Variants in ZNF708 observed in about 807,000 individuals in gnomAD.
ZNF708 encodes ZNF15, ZNF15L1.
A neutral mutation model predicts 47.0 loss-of-function variants in ZNF708; 44 were observed. The observed-to-expected ratio is 0.94, with a 90% CI of 0.74 to 1.20. The LOEUF (loss-of-function observed/expected upper bound fraction) is 1.20, where lower values mean the gene tolerates loss of function less well. ZNF708 is among the 50% of genes most tolerant of loss of function. The pLI is 0.00. For synonymous variants in ZNF708, 184 were observed against 218.5 expected, an observed-to-expected ratio of 0.84 and a Z score of 1.39; for missense variants, 557 against 656.0, an observed-to-expected ratio of 0.85 and a Z score of 1.65.
chr19:21,321,014 G>A (rs940223185), intron 1 of ZNF708, among the ~76,000 whole-genome samples: 4 of 151,880 alleles, frequency 2.6e-5, no homozygotes, highest in Non-Finnish European at 4.4e-5. Flanking sequence ...GGTGGCGGGC[G>A]CCTGTAGTAC....
chr19:21,300,382 T>C (rs1972631626), intron 3 of ZNF708, among the ~76,000 whole-genome samples: 1 of 151,772 alleles, frequency 6.6e-6, no homozygotes, highest in African/African-American at 2.4e-5. Flanking sequence ...GGTACATGCC[T>C]GTAATCCCAG....
intron 3 of ZNF708, among the ~76,000 whole-genome samples, chr19:21,302,636 T>C (rs909472884): frequency 7.2e-5 from 11 of 151,886 alleles, no homozygotes; most frequent in Admixed American, 2.6e-4. Flanking sequence ...GAGGTGGAGG[T>C]TGCAGTGAGC....
chr19:21,309,889 G>T (rs1019427730), intron 2 of ZNF708, among the ~76,000 whole-genome samples: 3 of 152,130 alleles, frequency 2.0e-5, no homozygotes, highest in African/African-American at 7.2e-5. Flanking sequence ...AAAATTGGTG[G>T]TGGCAATTAG....
At chr19:21,301,034 AT>A (rs1264674244) in intron 3 of ZNF708, among the ~76,000 whole-genome samples, 1 of 152,214 alleles carries the variant, frequency 6.6e-6, no homozygotes, top group Non-Finnish European at 1.5e-5. Context: ...AACCTAAAAA[AT>A]ATAACTCAAA....
At chr19:21,316,373 G>A (rs959018039) in intron 1 of ZNF708, among the ~76,000 whole-genome samples, 4 of 151,770 alleles carry the variant, frequency 2.6e-5, no homozygotes, top group African/African-American at 7.3e-5. Context: ...TGATCCACCC[G>A]TCTTGGCCTC....
Position 21,293,302 on chromosome 19 carries a change from G to A in ZNF708, c.1664C>T (p.Thr555Ile). 1.2e-6 allele frequency: 2 copies of A among 1,609,344 alleles called. No individual in the cohort carries two copies. Among genetic ancestry groups the A allele is most frequent in the Non-Finnish European group, 1.7e-6 (2 of 1,178,192 alleles). ...PNLTKHKRIH[T>I]KEKPYKCK is the part of the protein sequence containing the mutation. ...TTTACATTTGTAGGGTTTCTCTTTG[G>A]TATGAATTCTCTTATGTTTAGTAAG... The change falls in exon 4 of 4, where the codon ACC becomes ATC. Residue 555 changes from threonine (T) to isoleucine (I), a missense_variant. Transcript: ENST00000356929.
chr19:21,320,001 C>A (rs975887527), intron 1 of ZNF708, among the ~76,000 whole-genome samples: 1 of 152,072 alleles, frequency 6.6e-6, no homozygotes, highest in Non-Finnish European at 1.5e-5. Context: ...CATGGTGAAA[C>A]CCCATCTCTA....
At chr19:21,325,570 A>G (rs759490472) in intron 1 of ZNF708, among the ~76,000 whole-genome samples, 7 of 152,224 alleles carry the variant, frequency 4.6e-5, no homozygotes, top group South Asian at 4.1e-4. Context: ...TCAACTCAAG[A>G]TGGATTAAGG....
At chr19:21,322,914 GC>G (rs1234712196) in intron 1 of ZNF708, among the ~76,000 whole-genome samples, 1 of 152,210 alleles carries the variant, frequency 6.6e-6, no homozygotes, top group East Asian at 1.9e-4. Context: ...AACTCCATGG[GC>G]CCATTTACAT....
chr19:21,308,801 A>G (rs1033171135), intron 3 of ZNF708, among the ~76,000 whole-genome samples: 3 of 152,226 alleles, frequency 2.0e-5, no homozygotes, highest in Admixed American at 6.5e-5. Flanking sequence ...CTATATTTCA[A>G]GCCTGTAGTA....
intron 1 of ZNF708, among the ~76,000 whole-genome samples, chr19:21,314,505 G>C (rs1250460520): frequency 6.6e-6 from 1 of 152,094 alleles, no homozygotes; most frequent in Non-Finnish European, 1.5e-5. Context: ...CCCAAATAAA[G>C]CTCACAATTT....
In ZNF708 at chr19:21,293,861, A is replaced by C; in HGVS notation, c.1105T>G (p.Cys369Gly). Reference protein sequence around the residue: ...TEEKPYKCEECGKAFNRSSHL... With the variant: ...TEEKPYKCEEGGKAFNRSSHL... ...GAGGACCGGTTAAAAGCTTTGCCACATTCTTCACATTTGTAGGGTTTCTCT... is the reference window on the plus strand; with the variant it reads ...GAGGACCGGTTAAAAGCTTTGCCACCTTCTTCACATTTGTAGGGTTTCTCT... The change falls in exon 4 of 4, where the codon TGT (cysteine) becomes GGT (glycine). Residue 369 changes from cysteine (C) to glycine (G), a missense_variant. Physicochemically the swap from Cys to Gly is radical, Grantham distance 159. Coordinates refer to ENST00000356929, the MANE Select transcript of ZNF708 (RefSeq NM_021269.3). 1 of 1,613,396 alleles carries C rather than the reference A, an allele frequency of 6.2e-7. No individual in the cohort carries two copies. Among genetic ancestry groups the C allele is most frequent in the South Asian group, 1.1e-5 (1 of 91,074 alleles).
intron 1 of ZNF708, among the ~76,000 whole-genome samples, chr19:21,325,400 G>A (rs561749809): frequency 2.6e-5 from 4 of 152,266 alleles, no homozygotes; most frequent in South Asian, 4.1e-4. Context: ...AGAGAACCCA[G>A]AAATAAACCC....
At chr19:21,325,398 C>A (rs1344347235) in intron 1 of ZNF708, among the ~76,000 whole-genome samples, 1 of 152,086 alleles carries the variant, frequency 6.6e-6, no homozygotes, top group Non-Finnish European at 1.5e-5. Context: ...ATAGAGAACC[C>A]AGAAATAAAC....
At position 21,292,957 on chromosome 19, in the gene ZNF708, T is replaced by C; in HGVS notation, c.*317A>G. ...TGTCACATTTTTCGCATTTTTAAAG[T>C]TCCTCACCAGTATGATTTATTTTAT... On this transcript the variant is annotated 3_prime_UTR_variant, in exon 4 of 4. Coordinates refer to ENST00000356929, the MANE Select transcript of ZNF708 (RefSeq NM_021269.3). 1 of 232,836 alleles carries C rather than the reference T, an allele frequency of 4.3e-6. No homozygotes were observed. The highest frequency in any genetic ancestry group is 8.5e-6 in the Non-Finnish European group (1 of 117,514). The allele number at this position is 232,836 out of a possible 1,614,324, so 14.4% of individuals were successfully genotyped here.
rs755242935 is a variant in ZNF708, at chr19:21,294,420, T to C, written c.546A>G (p.Gln182=). 1.1e-5 allele frequency: 17 copies of C among 1,613,508 alleles called. No individual in the cohort carries two copies. Among genetic ancestry groups the C allele is most frequent in the African/African-American group, 5.3e-5 (4 of 74,824 alleles). ...TATGAATTATCTCATGTTGAGTTAG[T>C]TGTGAAAGCATGCAAAATGATTTGC... ...ECGKSFCMLS[Q]LTQHEIIHTG... is the part of the protein sequence containing the mutation. The change falls in exon 4 of 4, where the codon CAA becomes CAG. Residue 182 remains glutamine (Q), a synonymous_variant. Transcript: ENST00000356929.
chr19:21,325,221 A>G (rs1405652039), intron 1 of ZNF708, among the ~76,000 whole-genome samples: 1 of 152,210 alleles, frequency 6.6e-6, no homozygotes, highest in East Asian at 1.9e-4. Flanking sequence ...AAAAATTCTA[A>G]AATTCATGTG....
rs149541485 is a variant in ZNF708 at position 21,294,061 on chromosome 19, T to C, written c.905A>G (p.His302Arg). ...SSNLTNHKKI[H>R]TGEKPYKCGE... ...ACATTTGTAGGGTTTCTCTCCAGTA[T>C]GAATTTTCTTGTGATTAGTAAGGTT... is the stretch of plus-strand genomic sequence containing the variant. Residue 302 changes from histidine to arginine, a missense_variant, in exon 4 of 4, where the codon CAT becomes CGT. Transcript: ENST00000356929. 39 of 1,613,656 alleles carry C rather than the reference T, an allele frequency of 2.4e-5. No individual in the cohort carries two copies. Among genetic ancestry groups the C allele is most frequent in the Non-Finnish European group, 2.9e-5 (34 of 1,179,892 alleles).
At position 21,293,912 on chromosome 19, in the gene ZNF708, T is replaced by C. The variant is rs1229939001; in HGVS notation, c.1054A>G (p.Thr352Ala). 1.1e-5 allele frequency: 18 copies of C among 1,613,376 alleles called. No homozygotes were observed. Among genetic ancestry groups the C allele is most frequent in the Middle Eastern group, 3.3e-4 (2 of 6,080 alleles). Residue 352 changes from threonine (T) to alanine (A), a missense_variant, in exon 4 of 4, where the codon ACT becomes GCT. Thr to Ala is a moderately conservative substitution (Grantham distance 58). Transcript: ENST00000356929. ...TCAGTATGAATTATCTTATGTTTAG[T>C]AAGGGTTGAAAATACACTAAAAGCT... ...GKAFSVFSTLTKHKIIHTEEK... is the reference protein window; with the variant it reads ...GKAFSVFSTLAKHKIIHTEEK...
Sources: allele counts gnomAD v4.1 joint callset (sites outside exome capture counted in the v4.1 genomes callset), GRCh38; gene constraint gnomAD v4.1.1; transcripts MANE v1.5; gene names NCBI Gene and HGNC (gene_info 2026-07-23, HGNC 2026-07-21).